Variants in PYGM observed in about 807,000 individuals in gnomAD.
PYGM encodes the protein glycogen phosphorylase, muscle form.
Under a neutral mutation model 99.3 loss-of-function variants are expected in PYGM, and 81 were observed. That is an observed-to-expected ratio of 0.82 (90% CI 0.68 to 0.98). PYGM has a LOEUF of 0.98. PYGM is among the 50% of genes least tolerant of loss of function. PYGM has a pLI of 0.00. For synonymous variants in PYGM, 436 were observed against 451.5 expected (o/e 0.97, Z 0.44); for missense variants, 1,030 against 1,158.1 (o/e 0.89, Z 1.61).
chr11:64,749,314 T>C (rs984635531), intron 17 of PYGM, among the ~76,000 whole-genome samples: 24 of 151,310 alleles, frequency 1.6e-4, no homozygotes, highest in African/African-American at 5.4e-4. Context: ...GCCATTGCAC[T>C]GCGGCCTGGG....
rs781776953 is a variant in PYGM at position 64,747,290 on chromosome 11, C to T, written c.2246G>A (p.Gly749Asp). The change falls in exon 18 of 20, where the codon GGC (glycine) becomes GAC (aspartate). Residue 749 changes from glycine to aspartate, a missense_variant. By Grantham distance (94) the Gly-to-Asp change is moderately conservative. Coordinates refer to ENST00000164139, the MANE Select transcript of PYGM (RefSeq NM_005609.4). The stretch of plus-strand genomic sequence containing the variant: ...GTCGGGCTGTTTGGGGGAGAAGAAG[C>T]CACTGCTCAGCTGCTCAATGACCTG... ...LRQVIEQLSS[G>D]FFSPKQPDLF... 1.9e-6 allele frequency: 3 copies of T among 1,614,196 alleles called. No individual in the cohort carries two copies. The highest frequency in any genetic ancestry group is 2.5e-6 in the Non-Finnish European group (3 of 1,180,014).
chr11:64,758,133 G>A lies in PYGM; in HGVS notation c.528+113C>T, dbSNP rs1490808371. ...GGGTCGGGGGGTGGGGAGCAGCAAG[G>A]ATGCTTTCCACAGAGCTTGCGGGGC... is the stretch of plus-strand genomic sequence containing the variant. On this transcript the variant is annotated intron_variant, in intron 4 of 19. Coordinates refer to ENST00000164139, the MANE Select transcript of PYGM (RefSeq NM_005609.4). 5 of 1,406,598 alleles carry A rather than the reference G, an allele frequency of 3.6e-6. No individual in the cohort carries two copies. In the African/African-American group the frequency reaches 5.7e-5, roughly 16 times the overall value. The allele number at this position is 1,406,598 out of a possible 1,614,324, so 87.1% of individuals were successfully genotyped here.
rs771508536 is a variant in PYGM, at chr11:64,753,924, C to T, written c.1194G>A (p.Pro398=). ...WPVHLLETLL[P]RHLQIIYEIN... ...TCTCGTAGATGATCTGGAGGTGCCG[C>T]GGCAGCAGCGTCTCCAAGAGGTGCA... is the stretch of plus-strand genomic sequence containing the variant. Residue 398 remains proline (P), a synonymous_variant, in exon 10 of 20, where the codon CCG becomes CCA. Transcript: ENST00000164139. 1.7e-5 allele frequency: 27 copies of T among 1,593,794 alleles called. No homozygotes were observed. Among genetic ancestry groups the T allele is most frequent in the Non-Finnish European group, 2.0e-5 (23 of 1,169,896 alleles).
Position 64,758,631 on chromosome 11 carries a change from T to C in PYGM, c.317A>G (p.Glu106Gly). 1 of 1,613,744 alleles carries C rather than the reference T, an allele frequency of 6.2e-7. No individual in the cohort carries two copies. Among genetic ancestry groups the C allele is most frequent in the Non-Finnish European group, 8.5e-7 (1 of 1,179,714 alleles). ...GTAGGTGGCCTCGTCACAGGCATTC[T>C]CTAAGGCCAGGTTCACCATGGTGTT... ...LQNTMVNLAL[E>G]NACDEATYQL... Residue 106 changes from glutamate to glycine, a missense_variant, in exon 2 of 20, where the codon GAG becomes GGG. By Grantham distance (98) the Glu-to-Gly change is moderately conservative. Transcript: ENST00000164139.
Position 64,754,183 on chromosome 11 carries a change from C to A in PYGM, c.1092+70G>T. 1.9e-6 allele frequency: 3 copies of A among 1,579,326 alleles called. No homozygotes were observed. The highest frequency in any genetic ancestry group is 1.7e-5 in the Admixed American group (1 of 59,974). ...CCTTCACTCCATTCATATCCTCCCA[C>A]GCTCCCAAACTGGGAAGGGAACCCC... On this transcript the variant is annotated intron_variant, in intron 9 of 19. Transcript: ENST00000164139. This position sits in a 1 kb window ranked among gnomAD's most constrained non-coding sequence, Gnocchi z 5.5.
At position 64,754,310 on chromosome 11, in the gene PYGM, C is replaced by A; in HGVS notation, c.1035G>T (p.Leu345=). 1 of 1,613,628 alleles carries A rather than the reference C, an allele frequency of 6.2e-7. No individual in the cohort carries two copies. The highest frequency in any genetic ancestry group is 8.5e-7 in the Non-Finnish European group (1 of 1,179,896). Residue 345 remains leucine (L), a synonymous_variant, in exon 9 of 20, where the codon CTG becomes CTT. Transcript: ENST00000164139. The surrounding 1 kb of genome is among the most constrained non-coding windows in gnomAD (Gnocchi z 5.5). Reference sequence around the variant, plus strand: ...GGATCCTCATCAGCTCGGGGATGGCCAGGGAGGGGTGGGTGTCATTGAGCT... The same window carrying A: ...GGATCCTCATCAGCTCGGGGATGGCAAGGGAGGGGTGGGTGTCATTGAGCT... The part of the protein sequence containing the change: ...AIQLNDTHPS[L]AIPELMRILV...
chr11:64,756,337 T>C (rs1199741519), intron 5 of PYGM, among the ~76,000 whole-genome samples: 11 of 152,230 alleles, frequency 7.2e-5, no homozygotes, highest in Admixed American at 7.2e-4. Flanking sequence ...CATCTTAACC[T>C]GGAGGACAAC....
chr11:64,760,084 C>T (rs1055146113), upstream of PYGM: 6 of 939,360 alleles, frequency 6.4e-6, no homozygotes, highest in African/African-American at 6.7e-5. Flanking sequence ...ATTTTGAGGG[C>T]AAGGGGAGGA....
chr11:64,759,392 C>G (rs1322137597), intron 1 of PYGM, among the ~76,000 whole-genome samples: 1 of 152,184 alleles, frequency 6.6e-6, no homozygotes, highest in South Asian at 2.1e-4. Context: ...CCACAGGCGC[C>G]GTCCTGCCCA....
At position 64,747,262 on chromosome 11, in the gene PYGM, C is replaced by G; in HGVS notation, c.2274G>C (p.Leu758=). 6.2e-7 allele frequency: 1 copy of G among 1,614,208 alleles called. No individual in the cohort carries two copies. The highest frequency in any genetic ancestry group is 8.5e-7 in the Non-Finnish European group (1 of 1,180,000). Residue 758 remains leucine, a synonymous_variant, in exon 18 of 20, where the codon CTG becomes CTC. Coordinates refer to ENST00000164139, the MANE Select transcript of PYGM (RefSeq NM_005609.4). ...SGFFSPKQPD[L]FKDIVNMLMH... ...TGAGCATATTGACAATGTCCTTGAA[C>G]AGGTCGGGCTGTTTGGGGGAGAAGA...
rs781563871 is a variant in PYGM at position 64,754,052 on chromosome 11, TG to T, written c.1093-28del. On this transcript the variant is annotated intron_variant, in intron 9 of 19. Coordinates refer to ENST00000164139, the MANE Select transcript of PYGM (RefSeq NM_005609.4). This position sits in a 1 kb window ranked among gnomAD's most constrained non-coding sequence, Gnocchi z 5.5. ...TGGCACACGGGGTGGGCAGTCAGGATGCTGACCTCAGCCCAGTGGGTCTCCT... is the reference window on the plus strand; with the variant it reads ...TGGCACACGGGGTGGGCAGTCAGGATCTGACCTCAGCCCAGTGGGTCTCCT... The T allele has an allele frequency of 6.3e-7, 1 of 1,595,732 alleles. No individual in the cohort carries two copies. Among genetic ancestry groups the T allele is most frequent in the South Asian group, 1.1e-5 (1 of 88,906 alleles).
intron 14 of PYGM, 22 bp downstream of exon 14, chr11:64,751,900 CAG>C (rs1565534149): frequency 6.2e-7 from 1 of 1,614,044 alleles, no homozygotes; most frequent in Admixed American, 1.7e-5. Context: ...CACTGAGAGA[CAG>C]GGTAGAGTGG....
chr11:64,751,607 A>C lies in PYGM; in HGVS notation c.1817T>G (p.Ile606Ser), dbSNP rs1254930380. 6.2e-7 allele frequency: 1 copy of C among 1,613,948 alleles called. No individual in the cohort carries two copies. Among genetic ancestry groups the C allele is most frequent in the South Asian group, 1.1e-5 (1 of 91,084 alleles). ...AGCCTGGCTTCTCACCTTCCCTCCA[A>C]TCATCACAGTCCGAGGCACAAAAAA... The part of the protein sequence containing the change: ...NKFFVPRTVM[I>S]GGKAAPGYHM... Residue 606 changes from isoleucine (I) to serine (S), a missense_variant, in exon 15 of 20, where the codon ATT becomes AGT. Physicochemically the swap from Ile to Ser is moderately radical, Grantham distance 142. Transcript: ENST00000164139.
chr11:64,753,012 T>C, intron 12 of PYGM, 61 bp downstream of exon 12: 1 of 1,434,208 alleles, frequency 7.0e-7, no homozygotes, highest in South Asian at 1.1e-5. Context: ...TACACGACCA[T>C]ACCCAGCTGA....
intron 17 of PYGM, 72 bp downstream of exon 17, chr11:64,750,304 C>T (rs1224850247): frequency 3.2e-6 from 5 of 1,550,296 alleles, no homozygotes; most frequent in Middle Eastern, 1.7e-4. Context: ...CCAGACGTGC[C>T]GCTTGCTCCC....
intron 5 of PYGM, among the ~76,000 whole-genome samples, chr11:64,756,236 C>A (rs2058393816): frequency 6.6e-6 from 1 of 152,170 alleles, no homozygotes; most frequent in African/African-American, 2.4e-5. Flanking sequence ...GCTGGCAGCA[C>A]CAGAGGGAGC....
At chr11:64,747,163 C>T (rs965285872) in intron 18 of PYGM, 61 bp downstream of exon 18, 1 of 1,603,524 alleles carries the variant, frequency 6.2e-7, no homozygotes, top group Non-Finnish European at 8.5e-7. Flanking sequence ...CCCCACCACA[C>T]ACCTGAGCCT....
At chr11:64,750,638 T>C in intron 16 of PYGM, 55 bp from the exon 17 acceptor site, 10 of 1,559,364 alleles carry the variant, frequency 6.4e-6, no homozygotes, top group Non-Finnish European at 8.8e-6. Context: ...TCACACCAGC[T>C]GGGGACTCTC....
chr11:64,759,817 G>C lies in PYGM; in HGVS notation c.82C>G (p.Leu28Val), dbSNP rs1592417170. The C allele has an allele frequency of 6.2e-7, 1 of 1,614,206 alleles. No homozygotes were observed. Among genetic ancestry groups the C allele is most frequent in the African/African-American group, 1.3e-5 (1 of 75,040 alleles). ...GLAGVENVTE[L>V]KKNFNRHLHF... ...AGGTGCCGGTTGAAGTTCTTTTTCA[G>C]CTCAGTCACGTTCTCCACGCCGGCC... The change falls in exon 1 of 20, where the codon CTG becomes GTG. Residue 28 changes from leucine to valine, a missense_variant. Leu to Val is a conservative substitution (Grantham distance 32). Transcript: ENST00000164139.
Sources: allele counts gnomAD v4.1 joint callset (sites outside exome capture counted in the v4.1 genomes callset), GRCh38; gene constraint gnomAD v4.1.1; non-coding constraint Gnocchi (gnomAD v3.1); transcripts MANE v1.5; gene names NCBI Gene and HGNC (gene_info 2026-07-23, HGNC 2026-07-21).